Variants in LOXHD1 observed in about 807,000 individuals in gnomAD.
LOXHD1 encodes the protein lipoxygenase homology PLAT domains 1.
Under a neutral mutation model 248.2 loss-of-function variants are expected in LOXHD1, and 205 were observed. The ratio of observed to expected loss-of-function variants is 0.83; its 90% CI spans 0.74 to 0.93. The LOEUF (loss-of-function observed/expected upper bound fraction) is 0.93, where lower values mean the gene tolerates loss of function less well. Ranked by LOEUF, LOXHD1 falls within the 40% of genes least tolerant of loss-of-function variation. The pLI is 0.00. For synonymous variants in LOXHD1, 1,113 were observed against 1,162.8 expected, an observed-to-expected ratio of 0.96 and a Z score of 0.87; for missense variants, 2,930 against 2,971.6, an observed-to-expected ratio of 0.99 and a Z score of 0.33.
chr18:46,536,714 T>G (rs1248268763), intron 26 of LOXHD1, among the ~76,000 whole-genome samples: 2 of 152,104 alleles, frequency 1.3e-5, no homozygotes, highest in African/African-American at 2.4e-5. Context: ...CCTTAAATTT[T>G]CTCGTTAAAA....
intron 12 of LOXHD1, among the ~76,000 whole-genome samples, chr18:46,583,125 G>A (rs1454832002): frequency 6.6e-6 from 1 of 152,020 alleles, no homozygotes; most frequent in Non-Finnish European, 1.5e-5. Context: ...GTCACAAAAA[G>A]GGTGAAAATA....
At chr18:46,517,514 T>C (rs374970703) in intron 34 of LOXHD1, among the ~76,000 whole-genome samples, 3 of 152,162 alleles carry the variant, frequency 2.0e-5, no homozygotes, top group African/African-American at 7.2e-5. Flanking sequence ...GATAGAACAA[T>C]GCTTGGCACA....
intron 4 of LOXHD1, among the ~76,000 whole-genome samples, chr18:46,632,022 A>C (rs2038831095): frequency 6.6e-6 from 1 of 152,218 alleles, no homozygotes; most frequent in South Asian, 2.1e-4. Flanking sequence ...CAGGTTGAGA[A>C]ATGGGAGCTG....
chr18:46,477,271 G>A (rs2032078712), downstream of LOXHD1: 1 of 802,004 alleles, frequency 1.2e-6, no homozygotes, highest in Admixed American at 2.0e-5. Context: ...GGCAGCCACA[G>A]ATTATGACAC....
At chr18:46,576,930 T>C (rs1329424969) in intron 14 of LOXHD1, among the ~76,000 whole-genome samples, 4 of 152,188 alleles carry the variant, frequency 2.6e-5, no homozygotes, top group African/African-American at 9.7e-5. Context: ...CAACTCACCC[T>C]CATCCACTCA....
At chr18:46,560,048 T>TGCCGACCCC in intron 19 of LOXHD1, 35 bp downstream of exon 19, 7 of 1,226,296 alleles carry the variant, frequency 5.7e-6, no homozygotes, top group Non-Finnish European at 6.8e-6. Flanking sequence ...GTCTGGCCAC[T>TGCCGACCCC]CCCTCCCCAC....
chr18:46,556,757 C>T (rs1391613515), intron 21 of LOXHD1: 12 of 188,846 alleles, frequency 6.4e-5, no homozygotes, highest in South Asian at 3.5e-4. Flanking sequence ...CATCCTCCAA[C>T]GTCACCCAGC....
intron 8 of LOXHD1, among the ~76,000 whole-genome samples, chr18:46,599,493 T>G (rs560584032): frequency 6.6e-6 from 1 of 152,234 alleles, no homozygotes; most frequent in East Asian, 1.9e-4. Context: ...AAAACAACAA[T>G]TTTTAGAAAA....
intron 1 of LOXHD1, among the ~76,000 whole-genome samples, chr18:46,653,408 C>G (rs1427078905): frequency 6.6e-6 from 1 of 152,162 alleles, no homozygotes; most frequent in African/African-American, 2.4e-5. Flanking sequence ...TGTAAACGTA[C>G]CTTCATAAGT....
At chr18:46,550,162 G>A (rs1254087869) in intron 21 of LOXHD1, among the ~76,000 whole-genome samples, 3 of 152,204 alleles carry the variant, frequency 2.0e-5, no homozygotes, top group Admixed American at 2.0e-4. Context: ...CACCATTTCT[G>A]TCATGTGTTC....
chr18:46,570,378 G>A (rs971384554), intron 15 of LOXHD1, among the ~76,000 whole-genome samples: 1 of 152,252 alleles, frequency 6.6e-6, no homozygotes, highest in Non-Finnish European at 1.5e-5. Context: ...AGGAAGCACT[G>A]GAAAGGTGAG....
chr18:46,521,048 ACCTG>A, intron 33 of LOXHD1, 45 bp downstream of exon 33: 1 of 1,530,766 alleles, frequency 6.5e-7, no homozygotes, highest in Non-Finnish European at 8.8e-7. Context: ...CCCCACCTCA[ACCTG>A]CACTGCCCTG....
intron 28 of LOXHD1, 115 bp downstream of exon 28, chr18:46,533,047 A>G: frequency 8.7e-7 from 1 of 1,147,690 alleles, no homozygotes; most frequent in Non-Finnish European, 1.2e-6. Flanking sequence ...GAGTGGAGGT[A>G]ACAACAGACC....
chr18:46,642,103 G>C, intron 2 of LOXHD1, 67 bp from the exon 3 acceptor site: 1 of 1,404,068 alleles, frequency 7.1e-7, no homozygotes, highest in East Asian at 2.5e-5. Context: ...GAGAGCCAAG[G>C]GCTGGCATTC....
At chr18:46,493,509 A>C (rs1254388862) in intron 37 of LOXHD1, among the ~76,000 whole-genome samples, 1 of 152,234 alleles carries the variant, frequency 6.6e-6, no homozygotes, top group Non-Finnish European at 1.5e-5. Context: ...GCATATTATT[A>C]AATAAGTGTT....
intron 18 of LOXHD1, among the ~76,000 whole-genome samples, chr18:46,562,748 C>T (rs992283314): frequency 1.3e-5 from 2 of 152,258 alleles, no homozygotes; most frequent in Admixed American, 6.5e-5. Context: ...AGCTTTTCAA[C>T]GTACACCCAG....
chr18:46,617,262 T>C (rs2144325954), intron 5 of LOXHD1, among the ~76,000 whole-genome samples: 1 of 152,362 alleles, frequency 6.6e-6, no homozygotes, highest in South Asian at 2.1e-4. Context: ...ACATTTACTG[T>C]ACTGATGAGC....
chr18:46,524,819 C>T lies in LOXHD1; in HGVS notation c.4629G>A (p.Glu1543=). ...TGGTGTCATTCCAGATCTCCACCTT[C>T]TCCACGTACCAGTCTGCGCACCACT... ...NSKWCADWYV[E]KVEIWNDTNE... The change falls in exon 30 of 41, where the codon GAG becomes GAA. Residue 1543 remains glutamate, a synonymous_variant. Transcript: ENST00000642948. 2 of 1,551,802 alleles carry T rather than the reference C, an allele frequency of 1.3e-6. No individual in the cohort carries two copies. The highest frequency in any genetic ancestry group is 2.4e-5 in the East Asian group (1 of 40,924).
chr18:46,553,597 G>A (rs537289648), intron 21 of LOXHD1, among the ~76,000 whole-genome samples: 1 of 152,338 alleles, frequency 6.6e-6, no homozygotes, highest in Non-Finnish European at 1.5e-5. Flanking sequence ...TGGTATGCCT[G>A]TAGTGTGCCA....
Sources: gnomAD v4.1 joint callset for allele counts (sites outside exome capture counted in the v4.1 genomes callset) on GRCh38, gnomAD v4.1.1 for gene constraint, MANE v1.5 for transcripts, NCBI Gene and HGNC (gene_info 2026-07-23, HGNC 2026-07-21) for gene names.